WDR41: variants seen among roughly 807,000 people sequenced by gnomAD.
The protein encoded by WDR41 is WD repeat domain 41, also known as WD repeat-containing protein 41.
A neutral mutation model predicts 69.3 loss-of-function variants in WDR41; 63 were observed. That is an observed-to-expected ratio of 0.91 (90% CI 0.74 to 1.12). The LOEUF (loss-of-function observed/expected upper bound fraction) is 1.12, where lower values mean the gene tolerates loss of function less well. Among genes scored for constraint, WDR41 ranks in the 50% most tolerant of loss-of-function variants. The probability of loss-of-function intolerance (pLI) is 0.00; values close to 1 mark genes in which losing one functional copy is unlikely to be tolerated. For missense variants in WDR41, 543 were observed against 534.5 expected, an observed-to-expected ratio of 1.02 and a Z score of -0.16; for synonymous variants, 185 against 192.1, an observed-to-expected ratio of 0.96 and a Z score of 0.31.
At chr5:77,444,278 T>C (rs1799289713) in intron 8 of WDR41, among the ~76,000 whole-genome samples, 1 of 152,186 alleles carries the variant, frequency 6.6e-6, no homozygotes, top group African/African-American at 2.4e-5. Flanking sequence ...TATATATTAT[T>C]AGTGGATGGA....
At chr5:77,582,297 G>C in intron 1 of WDR41, 1 of 1,353,512 alleles carries the variant, frequency 7.4e-7, no homozygotes, top group South Asian at 1.2e-5. Context: ...CAAGAAAGTA[G>C]ACAATATGCA....
At chr5:77,453,281 C>T (rs1220436001) in intron 6 of WDR41, among the ~76,000 whole-genome samples, 1 of 152,162 alleles carries the variant, frequency 6.6e-6, no homozygotes, top group Non-Finnish European at 1.5e-5. Flanking sequence ...AAAATCTACT[C>T]ATTTAAATAT....
intron 5 of WDR41, among the ~76,000 whole-genome samples, chr5:77,456,891 G>C (rs1294676338): frequency 6.6e-6 from 1 of 151,458 alleles, no homozygotes; most frequent in African/African-American, 2.4e-5. Context: ...TTTTTTTGTA[G>C]AGAAGTTTCA....
At chr5:77,480,689 G>C (rs920172197) in intron 2 of WDR41, among the ~76,000 whole-genome samples, 1 of 137,390 alleles carries the variant, frequency 7.3e-6, no homozygotes. Context: ...TGCGGGGAGG[G>C]GGGAGGGATA....
Position 77,543,612 on chromosome 5 carries a change from A to G in WDR41, c.43-54040T>C, listed in dbSNP as rs140780903. Among the ~76,000 whole-genome samples the G allele has an allele frequency of 2.7e-3, 417 of 152,158 alleles. 5 individuals carry two copies. The highest frequency in any genetic ancestry group is 9.7e-3 in the African/African-American group (402 of 41,472). ...CCCAATCCAAGAAAGACAAAGAAAA[A>G]TGAATAAGAAAATATGAACAAAGCC... is the stretch of plus-strand genomic sequence containing the variant. On this transcript the variant is annotated intron_variant, in intron 1 of 5. Coordinates refer to the WDR41 transcript ENST00000509971.
At chr5:77,513,094 G>A (rs1243534699) in intron 1 of WDR41, among the ~76,000 whole-genome samples, 2 of 152,062 alleles carry the variant, frequency 1.3e-5, no homozygotes, top group Non-Finnish European at 2.9e-5. Flanking sequence ...GACATATTTT[G>A]AACATATATG....
At chr5:77,569,958 C>A (rs894173243) in intron 1 of WDR41, among the ~76,000 whole-genome samples, 3 of 152,190 alleles carry the variant, frequency 2.0e-5, no homozygotes, top group Admixed American at 2.0e-4. Context: ...AGCATACAAG[C>A]ACATCCAGCA....
At chr5:77,581,687 A>G (rs190753556) in intron 1 of WDR41, among the ~76,000 whole-genome samples, 123 of 151,932 alleles carry the variant, frequency 8.1e-4, no homozygotes, top group Admixed American at 2.2e-3. Flanking sequence ...TTAGAAATCA[A>G]TAGTGGGAAA....
intron 1 of WDR41, among the ~76,000 whole-genome samples, chr5:77,552,150 G>A (rs1743312599): frequency 6.6e-6 from 1 of 150,494 alleles, no homozygotes. Flanking sequence ...GAAAAGGTAG[G>A]GCAAATACAA....
chr5:77,472,268 A>G (rs144897045), intron 2 of WDR41, among the ~76,000 whole-genome samples: 2,803 of 152,292 alleles, frequency 0.018, 63 homozygotes, highest in African/African-American at 0.055. Context: ...TGGATGGGAC[A>G]TATCTCAAAC....
At chr5:77,480,255 A>G (rs1801164516) in intron 2 of WDR41, 1 of 152,122 alleles carries the variant, frequency 6.6e-6, no homozygotes, top group African/African-American at 2.4e-5. Context: ...CCATTGTGGA[A>G]GTCAGTGTGG....
chr5:77,471,923 T>G (rs1422430237), intron 2 of WDR41, among the ~76,000 whole-genome samples: 2 of 152,150 alleles, frequency 1.3e-5, no homozygotes, highest in African/African-American at 4.8e-5. Context: ...CCTTAACTCA[T>G]GAGGCCAGCA....
chr5:77,589,920 A>G (rs1744107016), intron 1 of WDR41, among the ~76,000 whole-genome samples: 1 of 152,144 alleles, frequency 6.6e-6, no homozygotes, highest in Non-Finnish European at 1.5e-5. Flanking sequence ...AAAACTTTCA[A>G]TAATTCAATA....
intron 1 of WDR41, among the ~76,000 whole-genome samples, chr5:77,568,454 G>C (rs1743676411): frequency 6.6e-6 from 1 of 152,134 alleles, no homozygotes; most frequent in African/African-American, 2.4e-5. Flanking sequence ...GAACCTGTAT[G>C]AGAGCTCTGC....
chr5:77,586,314 T>G (rs1374785304), intron 1 of WDR41, among the ~76,000 whole-genome samples: 2 of 152,004 alleles, frequency 1.3e-5, no homozygotes, highest in African/African-American at 2.4e-5. Flanking sequence ...ATTTATTTAT[T>G]TATTTATTTT....
At chr5:77,604,829 T>G (rs545531177) in intron 1 of WDR41, among the ~76,000 whole-genome samples, 1 of 152,242 alleles carries the variant, frequency 6.6e-6, no homozygotes, top group African/African-American at 2.4e-5. Context: ...GCTCTTTATG[T>G]ACTGAGGTAG....
At chr5:77,530,840 T>C (rs2112206678) in intron 1 of WDR41, among the ~76,000 whole-genome samples, 1 of 151,908 alleles carries the variant, frequency 6.6e-6, no homozygotes, top group East Asian at 1.9e-4. Flanking sequence ...AACTCTGTTT[T>C]GAAATGTATC....
chr5:77,470,435 C>T (rs1800532393), intron 2 of WDR41, among the ~76,000 whole-genome samples: 1 of 152,040 alleles, frequency 6.6e-6, no homozygotes, highest in Admixed American at 6.6e-5. Context: ...ACAATATTAA[C>T]CTTAAATGTA....
intron 1 of WDR41, among the ~76,000 whole-genome samples, chr5:77,606,614 G>A (rs1744424732): frequency 6.6e-6 from 1 of 151,924 alleles, no homozygotes; most frequent in Non-Finnish European, 1.5e-5. Context: ...ACCAGCCTGA[G>A]CAACACAGTA....
Sources: gnomAD v4.1 joint callset for allele counts (sites outside exome capture counted in the v4.1 genomes callset) on GRCh38, gnomAD v4.1.1 for gene constraint, MANE v1.5 for transcripts, NCBI Gene and HGNC (gene_info 2026-07-23, HGNC 2026-07-21) for gene names.